Variants in FRMD4A observed in about 807,000 individuals in gnomAD.
FRMD4A encodes the protein FERM domain-containing protein 4A.
In FRMD4A, 29 loss-of-function variants were observed where a neutral mutation model predicts 129.1. The ratio of observed to expected loss-of-function variants is 0.22; its 90% confidence interval spans 0.17 to 0.31. The LOEUF is 0.31. Ranked by LOEUF, FRMD4A falls within the 10% of genes least tolerant of loss-of-function variation. The probability of loss-of-function intolerance (pLI) is 1.00; values close to 1 mark genes in which losing one functional copy is unlikely to be tolerated. For synonymous variants in FRMD4A, 634 were observed against 571.6 expected, an observed-to-expected ratio of 1.11 and a Z score of -1.56; for missense variants, 1,272 against 1,375.8, an observed-to-expected ratio of 0.92 and a Z score of 1.19.
At chr10:14,060,875 TA>T (rs1465640567) in intron 2 of FRMD4A, among the ~76,000 whole-genome samples, 2 of 152,052 alleles carry the variant, frequency 1.3e-5, no homozygotes, top group Admixed American at 1.3e-4. Context: ...AAAAATAATA[TA>T]AAAAAATTAA....
At chr10:13,835,396 T>C (rs1394879345) in intron 3 of FRMD4A, among the ~76,000 whole-genome samples, 3 of 152,164 alleles carry the variant, frequency 2.0e-5, no homozygotes, top group Non-Finnish European at 4.4e-5. Flanking sequence ...ATAGTCCTTA[T>C]ATATTATTAC....
intron 12 of FRMD4A, among the ~76,000 whole-genome samples, chr10:13,723,784 C>T (rs1415032929): frequency 6.6e-6 from 1 of 152,178 alleles, no homozygotes; most frequent in Non-Finnish European, 1.5e-5. Context: ...TACTCTTCTC[C>T]TTCAACCTGG....
chr10:13,777,417 T>C (rs1293847010), intron 6 of FRMD4A, among the ~76,000 whole-genome samples: 1 of 152,230 alleles, frequency 6.6e-6, no homozygotes, highest in Non-Finnish European at 1.5e-5. Context: ...GGCCTTGGGA[T>C]GCGACTTGGT....
intron 15 of FRMD4A, among the ~76,000 whole-genome samples, chr10:13,680,973 TA>T (rs35379836): frequency 2.0e-5 from 3 of 152,176 alleles, no homozygotes; most frequent in Admixed American, 2.0e-4. Flanking sequence ...TATCTGCCAT[TA>T]AATGGTGTAA....
At chr10:13,832,329 C>T (rs2093803016) in intron 3 of FRMD4A, among the ~76,000 whole-genome samples, 1 of 152,302 alleles carries the variant, frequency 6.6e-6, no homozygotes, top group East Asian at 1.9e-4. Flanking sequence ...TCTTAGGATT[C>T]CTTCCTCCAA....
intron 2 of FRMD4A, among the ~76,000 whole-genome samples, chr10:14,188,012 G>A (rs1842201715): frequency 6.6e-6 from 1 of 152,082 alleles, no homozygotes; most frequent in Non-Finnish European, 1.5e-5. Context: ...CCACCTCCTT[G>A]TAGCCTCTCC....
chr10:14,208,934 C>T (rs939834186), intron 2 of FRMD4A, among the ~76,000 whole-genome samples: 2 of 152,220 alleles, frequency 1.3e-5, no homozygotes, highest in South Asian at 4.1e-4. Context: ...CAGTATTTAA[C>T]AGGAACCTCT....
At chr10:13,689,696 G>A (rs2085486904) in intron 15 of FRMD4A, among the ~76,000 whole-genome samples, 1 of 151,640 alleles carries the variant, frequency 6.6e-6, no homozygotes, top group East Asian at 1.9e-4. Flanking sequence ...GGAAATATAA[G>A]CATGCACCAC....
chr10:13,842,979 C>T (rs1428165271), intron 3 of FRMD4A, among the ~76,000 whole-genome samples: 4 of 152,130 alleles, frequency 2.6e-5, no homozygotes, highest in Admixed American at 6.6e-5. Context: ...ATGACTGCAG[C>T]CCCACCTGCC....
chr10:14,282,979 A>G (rs764547777), intron 2 of FRMD4A, among the ~76,000 whole-genome samples: 4 of 152,244 alleles, frequency 2.6e-5, no homozygotes, highest in Non-Finnish European at 5.9e-5. Context: ...CCATATTATT[A>G]AAGTGCATCG....
At position 14,279,182 on chromosome 10, in the gene FRMD4A, A is replaced by ATT. The variant is rs1223887250; in HGVS notation, c.45+50874_45+50875dup. Among the ~76,000 whole-genome samples, 516 of 99,584 alleles carry ATT rather than the reference A, an allele frequency of 5.2e-3. 3 individuals carry two copies. The highest frequency in any genetic ancestry group is 6.6e-3 in the Non-Finnish European group (343 of 52,304). 65.3% of individuals were successfully genotyped at this position (99,584 alleles called of 152,430 possible). A position where few individuals can be genotyped will look rare whatever the true frequency, so the allele number is the denominator to read the frequency against. ...ACTATGCCCCTGAGGAGGAAGCGGG[A>ATT]TTTTTTTTTTTTTTTTTTTTTTTTG... On this transcript the variant is annotated intron_variant, in intron 2 of 24. Coordinates refer to ENST00000357447, the MANE Select transcript of FRMD4A (RefSeq NM_018027.5).
In FRMD4A at chr10:13,914,432, C is replaced by G. The variant is rs577887896; in HGVS notation, c.46-55520G>C. On this transcript the variant is annotated intron_variant, in intron 2 of 24. Transcript: ENST00000357447. ...TAATATTATTAACAAGGTCAATAAT[C>G]AGTGGCATTCAATATTATTAACAAT... Among the ~76,000 whole-genome samples the G allele has an allele frequency of 1.5e-4, 23 of 152,292 alleles. No homozygotes were observed. In the South Asian group the frequency reaches 2.9e-3, roughly 19 times the overall value.
At position 13,684,227 on chromosome 10, in the gene FRMD4A, G is replaced by C. The variant is rs916756591; in HGVS notation, c.1118-9183C>G. 9.8e-6 allele frequency: 6 copies of C among 613,474 alleles called. No homozygotes were observed. The African/African-American group carries it at 1.0e-4, about 10-fold the overall frequency. 38.0% of individuals were successfully genotyped at this position (613,474 alleles called of 1,614,324 possible). On this transcript the variant is annotated intron_variant, in intron 15 of 24. Coordinates refer to ENST00000357447, the MANE Select transcript of FRMD4A (RefSeq NM_018027.5). Reference sequence around the variant, plus strand: ...AATCCAAAGGATTTTCATTGAACTAGTTCACTAATAATCTGGCCAACGAGG... The same window carrying C: ...AATCCAAAGGATTTTCATTGAACTACTTCACTAATAATCTGGCCAACGAGG...
chr10:13,701,052 GCC>G (rs1329588487), intron 14 of FRMD4A, among the ~76,000 whole-genome samples: 12 of 152,012 alleles, frequency 7.9e-5, no homozygotes, highest in African/African-American at 2.9e-4. Flanking sequence ...TCTCCCGAGG[GCC>G]AAAAGCACAG....
chr10:14,022,118 A>T (rs554399876), intron 2 of FRMD4A, among the ~76,000 whole-genome samples: 1 of 152,332 alleles, frequency 6.6e-6, no homozygotes, highest in East Asian at 1.9e-4. Flanking sequence ...GGATCTCAGG[A>T]TCACCTTGAG....
chr10:13,810,117 G>A (rs1209524555), intron 4 of FRMD4A, among the ~76,000 whole-genome samples: 2 of 152,218 alleles, frequency 1.3e-5, no homozygotes, highest in Non-Finnish European at 2.9e-5. Flanking sequence ...GTTTGTGACT[G>A]TACGTGTGTG....
chr10:13,685,135 G>A (rs994758650), intron 15 of FRMD4A: 4 of 984,682 alleles, frequency 4.1e-6, no homozygotes, highest in Non-Finnish European at 4.8e-6. Flanking sequence ...TAGAGAATTA[G>A]ATGTGATTTT....
chr10:14,058,791 A>G (rs2131698520), intron 2 of FRMD4A, among the ~76,000 whole-genome samples: 1 of 152,248 alleles, frequency 6.6e-6, no homozygotes, highest in South Asian at 2.1e-4. Context: ...CAAAGAGCTG[A>G]TTGGCTGGGC....
intron 2 of FRMD4A, among the ~76,000 whole-genome samples, chr10:13,865,344 C>T (rs1416936236): frequency 6.6e-6 from 1 of 151,938 alleles, no homozygotes; most frequent in Non-Finnish European, 1.5e-5. Context: ...TGTGTTGAAC[C>T]CATAGTCCTT....
Sources: allele counts gnomAD v4.1 joint callset (sites outside exome capture counted in the v4.1 genomes callset), GRCh38; gene constraint gnomAD v4.1.1; transcripts MANE v1.5; gene names NCBI Gene and HGNC (gene_info 2026-07-23, HGNC 2026-07-21).